NEGR1: variants seen among roughly 807,000 people sequenced by gnomAD.
The protein encoded by NEGR1 is neuronal growth regulator 1, also known as IgLON family member 4.
Under a neutral mutation model 40.9 loss-of-function variants are expected in NEGR1, and 10 were observed. The ratio of observed to expected loss-of-function variants is 0.24; its 90% CI spans 0.15 to 0.42. The LOEUF (loss-of-function observed/expected upper bound fraction) is 0.42, where lower values mean the gene tolerates loss of function less well. Among genes scored for constraint, NEGR1 ranks in the 10% least tolerant of loss-of-function variants. NEGR1 has a pLI of 1.00. For synonymous variants in NEGR1, 185 were observed against 166.8 expected (o/e 1.11, Z -0.84); for missense variants, 352 against 438.9 (o/e 0.80, Z 1.77).
intron 2 of NEGR1, among the ~76,000 whole-genome samples, chr1:71,870,335 T>A (rs919237844): frequency 1.6e-4 from 25 of 152,320 alleles, no homozygotes; most frequent in African/African-American, 6.0e-4. Context: ...TCTATTATTT[T>A]TTATCTAAGG....
intron 1 of NEGR1, among the ~76,000 whole-genome samples, chr1:71,950,169 C>G (rs954966728): frequency 6.6e-6 from 1 of 151,816 alleles, no homozygotes; most frequent in South Asian, 2.1e-4. Flanking sequence ...AAATATCATT[C>G]CTGTTTATGT....
chr1:71,837,435 T>C (rs1352672506), intron 2 of NEGR1, among the ~76,000 whole-genome samples: 1 of 152,154 alleles, frequency 6.6e-6, no homozygotes, highest in Non-Finnish European at 1.5e-5. Context: ...GAAAATAACT[T>C]GAACACTGAC....
chr1:71,810,851 C>T (rs1316954603), intron 2 of NEGR1, among the ~76,000 whole-genome samples: 1 of 152,144 alleles, frequency 6.6e-6, no homozygotes, highest in Non-Finnish European at 1.5e-5. Context: ...GCTTCCTGTA[C>T]AGCCTGTGGA....
chr1:72,123,360 C>G (rs904360950), intron 1 of NEGR1, among the ~76,000 whole-genome samples: 1 of 151,474 alleles, frequency 6.6e-6, no homozygotes, highest in Non-Finnish European at 1.5e-5. Context: ...AAAAAAAAAT[C>G]CCTGTAGGAG....
intron 4 of NEGR1, among the ~76,000 whole-genome samples, chr1:71,647,954 C>T (rs1651587443): frequency 6.6e-6 from 1 of 151,838 alleles, no homozygotes; most frequent in African/African-American, 2.4e-5. Flanking sequence ...TCCACAAAAG[C>T]ATAAACAGTA....
chr1:71,406,990 T>C lies in NEGR1; in HGVS notation c.*456A>G, dbSNP rs886425245. On this transcript the variant is annotated 3_prime_UTR_variant, in exon 7 of 7. Transcript: ENST00000357731. The stretch of plus-strand genomic sequence containing the variant: ...TCTGAAGGCAATATTATTTGCTTTT[T>C]TATCAAAAAAGAAAAAAATGCATCT... 1 of 152,532 alleles carries C rather than the reference T, an allele frequency of 6.6e-6. No individual in the cohort carries two copies. The highest frequency in any genetic ancestry group is 1.5e-5 in the Non-Finnish European group (1 of 68,000). The allele number at this position is 152,532 out of a possible 1,614,324, so 9.4% of individuals were successfully genotyped here.
intron 4 of NEGR1, among the ~76,000 whole-genome samples, chr1:71,675,126 T>TATACAC (rs145354058): frequency 1.4e-4 from 11 of 77,828 alleles, no homozygotes; most frequent in Non-Finnish European, 2.4e-4. Context: ...TATATATATA[T>TATACAC]ACACACACAC....
chr1:71,705,279 C>T (rs933033940), intron 3 of NEGR1, among the ~76,000 whole-genome samples: 2 of 152,034 alleles, frequency 1.3e-5, no homozygotes, highest in Non-Finnish European at 2.9e-5. Context: ...GTGAATCATA[C>T]TACCATAAAT....
chr1:72,172,249 C>T (rs1651990414), intron 1 of NEGR1, among the ~76,000 whole-genome samples: 1 of 152,022 alleles, frequency 6.6e-6, no homozygotes, highest in Non-Finnish European at 1.5e-5. Context: ...AATATTTCTA[C>T]TAGTTCCTTT....
At chr1:71,453,220 G>A (rs1201259763) in intron 6 of NEGR1, among the ~76,000 whole-genome samples, 1 of 152,140 alleles carries the variant, frequency 6.6e-6, no homozygotes. Flanking sequence ...GATTCAGGGA[G>A]CAGGATATTC....
chr1:72,245,832 C>T (rs901689898), intron 1 of NEGR1, among the ~76,000 whole-genome samples: 6 of 152,088 alleles, frequency 3.9e-5, no homozygotes, highest in Admixed American at 1.3e-4. Flanking sequence ...ACTTCTAATA[C>T]ATGCTTCAAA....
intron 1 of NEGR1, among the ~76,000 whole-genome samples, chr1:72,271,750 T>G (rs1232492689): frequency 6.6e-6 from 1 of 151,862 alleles, no homozygotes; most frequent in South Asian, 2.1e-4. Context: ...CCACGTGTTG[T>G]CCCAGAATTC....
intron 4 of NEGR1, among the ~76,000 whole-genome samples, chr1:71,692,501 T>C (rs2101623481): frequency 6.6e-6 from 1 of 151,836 alleles, no homozygotes; most frequent in South Asian, 2.1e-4. Flanking sequence ...TTTCCCTTTA[T>C]TCAAGGTGAT....
chr1:72,081,253 T>C (rs1395733546), intron 1 of NEGR1, among the ~76,000 whole-genome samples: 1 of 152,074 alleles, frequency 6.6e-6, no homozygotes, highest in African/African-American at 2.4e-5. Flanking sequence ...AGTAAATGGA[T>C]AGGACATGCC....
intron 6 of NEGR1, among the ~76,000 whole-genome samples, chr1:71,567,218 C>T (rs1422290681): frequency 6.6e-6 from 1 of 152,002 alleles, no homozygotes; most frequent in Non-Finnish European, 1.5e-5. Context: ...TTTATTTTTA[C>T]CTCTATTTCC....
intron 2 of NEGR1, among the ~76,000 whole-genome samples, chr1:71,778,244 T>C (rs1656580041): frequency 6.6e-6 from 1 of 152,080 alleles, no homozygotes; most frequent in African/African-American, 2.4e-5. Context: ...GGTTCAATTA[T>C]AATGTTTTTA....
At chr1:71,725,199 C>G (rs1654631553) in intron 3 of NEGR1, among the ~76,000 whole-genome samples, 1 of 152,094 alleles carries the variant, frequency 6.6e-6, no homozygotes, top group East Asian at 1.9e-4. Context: ...ATTTCAATAA[C>G]TAATAATAGC....
chr1:71,903,831 T>C (rs1427279290), intron 2 of NEGR1, among the ~76,000 whole-genome samples: 1 of 151,570 alleles, frequency 6.6e-6, no homozygotes, highest in Non-Finnish European at 1.5e-5. Context: ...CTATTATATA[T>C]ATATATAAAA....
intron 5 of NEGR1, among the ~76,000 whole-genome samples, chr1:71,598,201 G>T (rs758224451): frequency 6.6e-5 from 10 of 152,084 alleles, no homozygotes; most frequent in Non-Finnish European, 1.2e-4. Context: ...CATTCAAATC[G>T]CTAAGTAGAA....
Sources: gnomAD v4.1 joint callset for allele counts (sites outside exome capture counted in the v4.1 genomes callset) on GRCh38, gnomAD v4.1.1 for gene constraint, MANE v1.5 for transcripts, NCBI Gene and HGNC (gene_info 2026-07-23, HGNC 2026-07-21) for gene names.